Variants in JAKMIP1 observed in about 807,000 individuals in gnomAD.
JAKMIP1 encodes the protein janus kinase and microtubule-interacting protein 1.
In JAKMIP1, 33 loss-of-function variants were observed where a neutral mutation model predicts 113.0. The ratio of observed to expected loss-of-function variants is 0.29; its 90% confidence interval spans 0.22 to 0.39. The LOEUF (loss-of-function observed/expected upper bound fraction) is 0.39. Ranked by LOEUF, JAKMIP1 falls within the 10% of genes least tolerant of loss-of-function variation. JAKMIP1 has a pLI of 1.00. For missense variants in JAKMIP1, 813 were observed against 1,080.5 expected (o/e 0.75, Z 3.47); for synonymous variants, 480 against 459.9 (o/e 1.04, Z -0.56).
Position 6,140,704 on chromosome 4 carries a change from G to A in JAKMIP1, c.-147-27707C>T, listed in dbSNP as rs1436400869. On this transcript the variant is annotated intron_variant, in intron 1 of 20. Transcript: ENST00000409021. This position sits in a 1 kb window ranked among gnomAD's most constrained non-coding sequence, Gnocchi z 9.4. ...AATGAAAATGTAATGCTTTTACCTG[G>A]AAAAGGGATGACAAAGTATCCCAGA... Among the ~76,000 whole-genome samples the A allele has an allele frequency of 6.6e-6, 1 of 152,098 alleles. No individual in the cohort carries two copies. Among genetic ancestry groups the A allele is most frequent in the Admixed American group, 6.5e-5 (1 of 15,286 alleles).
intron 1 of JAKMIP1, among the ~76,000 whole-genome samples, chr4:6,114,202 C>G (rs1715396351): frequency 6.6e-6 from 1 of 152,154 alleles, no homozygotes. Context: ...TCAAGGAATG[C>G]TAACTTGGGA....
At chr4:6,161,272 CCCCTGACCTCCACTCAGCT>C (rs1356850940) in intron 1 of JAKMIP1, among the ~76,000 whole-genome samples, 1 of 133,620 alleles carries the variant, frequency 7.5e-6, no homozygotes, top group Non-Finnish European at 1.5e-5. Flanking sequence ...CCACTCACTT[CCCCTGACCTCCACTCAGCT>C]CCCTGACCTC....
At chr4:6,131,157 G>A (rs1479767488) in intron 1 of JAKMIP1, among the ~76,000 whole-genome samples, 1 of 8,234 alleles carries the variant, frequency 1.2e-4, no homozygotes, top group Non-Finnish European at 2.4e-4. Flanking sequence ...GTAAGACCTT[G>A]CCTCCAAAAA....
intron 1 of JAKMIP1, among the ~76,000 whole-genome samples, chr4:6,171,046 C>G (rs1422943490): frequency 3.3e-5 from 5 of 149,838 alleles, no homozygotes; most frequent in Non-Finnish European, 7.4e-5. Flanking sequence ...ACCCTCACCA[C>G]CATCACCATG....
At chr4:6,163,938 C>T (rs1033073085) in intron 1 of JAKMIP1, among the ~76,000 whole-genome samples, 2 of 152,196 alleles carry the variant, frequency 1.3e-5, no homozygotes, top group Non-Finnish European at 2.9e-5. Flanking sequence ...CTGAAACTAG[C>T]AGAGGTTGGC....
chr4:6,124,930 T>A (rs1225098249), intron 1 of JAKMIP1, among the ~76,000 whole-genome samples: 1 of 152,184 alleles, frequency 6.6e-6, no homozygotes. Flanking sequence ...TGAGGCCAGC[T>A]GGGTTGAGAT....
chr4:6,123,397 C>T (rs181776980), intron 1 of JAKMIP1, among the ~76,000 whole-genome samples: 6 of 152,226 alleles, frequency 3.9e-5, no homozygotes, highest in African/African-American at 1.2e-4. Flanking sequence ...CAGCATCGTG[C>T]AAAAGGCGAA....
At position 6,139,444 on chromosome 4, in the gene JAKMIP1, C is replaced by G. The variant is rs1001007238; in HGVS notation, c.-147-26447G>C. On this transcript the variant is annotated intron_variant, in intron 1 of 20. Transcript: ENST00000409021. The surrounding 1 kb of genome is among the most constrained non-coding windows in gnomAD (Gnocchi z 5.2). ...TTGAGATGAAGTCAGGAGGGTGGGC[C>G]TTAACCAATATGATGGGTGTTCCTA... 2.5e-4 allele frequency among the ~76,000 whole-genome samples: 38 copies of G among 152,018 alleles called. No homozygotes were observed. The highest frequency in any genetic ancestry group is 5.0e-4 in the Non-Finnish European group (34 of 68,032).
rs1728007369 is a variant in JAKMIP1 at position 6,197,830 on chromosome 4, T to C, written c.-148+2423A>G. Among the ~76,000 whole-genome samples, 1 of 152,246 alleles carries C rather than the reference T, an allele frequency of 6.6e-6. No individual in the cohort carries two copies. The highest frequency in any genetic ancestry group is 1.5e-5 in the Non-Finnish European group (1 of 68,044). Reference sequence around the variant, plus strand: ...CCTCGAGGAGTTAAACAGATAGCCATAGCCTGCAGTGGCAATTGCTGCTGG... The same window carrying C: ...CCTCGAGGAGTTAAACAGATAGCCACAGCCTGCAGTGGCAATTGCTGCTGG... On this transcript the variant is annotated intron_variant, in intron 1 of 20. Transcript: ENST00000409021. The surrounding 1 kb of genome is among the most constrained non-coding windows in gnomAD (Gnocchi z 6.5).
chr4:6,151,099 T>G (rs1721522930), intron 1 of JAKMIP1, among the ~76,000 whole-genome samples: 1 of 152,132 alleles, frequency 6.6e-6, no homozygotes, highest in Non-Finnish European at 1.5e-5. Flanking sequence ...AGTACTCTGG[T>G]CTGGCATTCA....
chr4:6,120,974 C>A (rs141646427), intron 1 of JAKMIP1, among the ~76,000 whole-genome samples: 1 of 152,082 alleles, frequency 6.6e-6, no homozygotes. Flanking sequence ...CCGAGGCAAG[C>A]GGATCACCTG....
At position 6,193,523 on chromosome 4, in the gene JAKMIP1, G is replaced by A. The variant is rs1727513861; in HGVS notation, c.-148+6730C>T. Among the ~76,000 whole-genome samples, 1 of 152,160 alleles carries A rather than the reference G, an allele frequency of 6.6e-6. No individual in the cohort carries two copies. The highest frequency in any genetic ancestry group is 1.5e-5 in the Non-Finnish European group (1 of 68,032). On this transcript the variant is annotated intron_variant, in intron 1 of 20. Coordinates refer to ENST00000409021, the MANE Select transcript of JAKMIP1 (RefSeq NM_001099433.2). This position sits in a 1 kb window ranked among gnomAD's most constrained non-coding sequence, Gnocchi z 6.4. ...CAGGCAGCAAGCAGCTCACACAAGC[G>A]CTCTGAGCAGCAAGAATCCAGCATG...
intron 19 of JAKMIP1, among the ~76,000 whole-genome samples, chr4:6,035,598 C>A (rs921353404): frequency 6.6e-6 from 1 of 152,340 alleles, no homozygotes; most frequent in South Asian, 2.1e-4. Flanking sequence ...GATGCCTCCC[C>A]GTAACCAGCA....
intron 12 of JAKMIP1, among the ~76,000 whole-genome samples, chr4:6,055,408 A>T (rs1716253522): frequency 1.3e-5 from 2 of 152,224 alleles, no homozygotes; most frequent in African/African-American, 4.8e-5. Flanking sequence ...TTTAATTCCA[A>T]AGCATTAGAG....
chr4:6,194,090 G>A lies in JAKMIP1; in HGVS notation c.-148+6163C>T, dbSNP rs1727582937. Reference sequence around the variant, plus strand: ...CTACATCTGTGAAATATCCAGAACAGGCAAATCCAAGGAGACAGAGGGCAG... The same window carrying A: ...CTACATCTGTGAAATATCCAGAACAAGCAAATCCAAGGAGACAGAGGGCAG... On this transcript the variant is annotated intron_variant, in intron 1 of 20. Coordinates refer to ENST00000409021, the MANE Select transcript of JAKMIP1 (RefSeq NM_001099433.2). This position sits in a 1 kb window ranked among gnomAD's most constrained non-coding sequence, Gnocchi z 7.4. Among the ~76,000 whole-genome samples the A allele has an allele frequency of 6.6e-6, 1 of 152,024 alleles. No individual in the cohort carries two copies. Among genetic ancestry groups the A allele is most frequent in the South Asian group, 2.1e-4 (1 of 4,816 alleles).
intron 1 of JAKMIP1, among the ~76,000 whole-genome samples, chr4:6,161,712 G>A: frequency 6.6e-6 from 1 of 152,110 alleles, no homozygotes; most frequent in Non-Finnish European, 1.5e-5. Context: ...GCTCTGAGCA[G>A]GACTGTGTCC....
Position 6,094,034 on chromosome 4 carries a change from T to C in JAKMIP1, c.625-8405A>G, listed in dbSNP as rs557416415. On this transcript the variant is annotated intron_variant, in intron 3 of 20. Coordinates refer to ENST00000409021, the MANE Select transcript of JAKMIP1 (RefSeq NM_001099433.2). The surrounding 1 kb of genome is among the most constrained non-coding windows in gnomAD (Gnocchi z 4.2). ...GGTGTCACCTGTCACCCCAGTAGACTGCGAGCTCCCTGCAGATGGCCAGGC... is the reference window on the plus strand; with the variant it reads ...GGTGTCACCTGTCACCCCAGTAGACCGCGAGCTCCCTGCAGATGGCCAGGC... Among the ~76,000 whole-genome samples the C allele has an allele frequency of 6.6e-6, 1 of 152,132 alleles. No homozygotes were observed. The highest frequency in any genetic ancestry group is 2.1e-4 in the South Asian group (1 of 4,800).
In JAKMIP1 at chr4:6,065,508, C is replaced by T. The variant is rs1717939246; in HGVS notation, c.1303-500G>A. 6.6e-6 allele frequency among the ~76,000 whole-genome samples: 1 copy of T among 152,212 alleles called. No homozygotes were observed. Among genetic ancestry groups the T allele is most frequent in the African/African-American group, 2.4e-5 (1 of 41,452 alleles). On this transcript the variant is annotated intron_variant, in intron 8 of 20. Coordinates refer to ENST00000409021, the MANE Select transcript of JAKMIP1 (RefSeq NM_001099433.2). The surrounding 1 kb of genome is among the most constrained non-coding windows in gnomAD (Gnocchi z 5.1). Reference sequence around the variant, plus strand: ...TGAATAAGGACAGCAGAGGGGGCAACAGCTTGAAGGAGTGGAGAGCCCAGC... The same window carrying T: ...TGAATAAGGACAGCAGAGGGGGCAATAGCTTGAAGGAGTGGAGAGCCCAGC...
At chr4:6,095,627 C>T (rs1267736825) in intron 3 of JAKMIP1, among the ~76,000 whole-genome samples, 2 of 152,166 alleles carry the variant, frequency 1.3e-5, no homozygotes, top group African/African-American at 4.8e-5. Context: ...GCAGCAAACG[C>T]GGATGCAATA....
Sources: gnomAD v4.1 joint callset for allele counts (sites outside exome capture counted in the v4.1 genomes callset) on GRCh38, gnomAD v4.1.1 for gene constraint, Gnocchi (gnomAD v3.1) non-coding constraint, MANE v1.5 for transcripts, NCBI Gene and HGNC (gene_info 2026-07-23, HGNC 2026-07-21) for gene names.